RGL1: variants seen among roughly 807,000 people sequenced by gnomAD.
RGL1 encodes the protein ral guanine nucleotide dissociation stimulator like 1.
A neutral mutation model predicts 95.2 loss-of-function variants in RGL1; 24 were observed. That is an observed-to-expected ratio of 0.25 (90% CI 0.18 to 0.35). RGL1 has a LOEUF of 0.35. Among genes scored for constraint, RGL1 ranks in the 10% least tolerant of loss-of-function variants. The pLI is 1.00. For synonymous variants in RGL1, 329 were observed against 344.9 expected, an observed-to-expected ratio of 0.95 and a Z score of 0.51; for missense variants, 715 against 936.3, an observed-to-expected ratio of 0.76 and a Z score of 3.08.
chr1:183,864,350 T>C (rs1665697470), intron 3 of RGL1, among the ~76,000 whole-genome samples: 1 of 152,208 alleles, frequency 6.6e-6, no homozygotes, highest in Admixed American at 6.5e-5. Flanking sequence ...CATTTAGTAA[T>C]TGAGAGATGG....
At chr1:183,661,521 C>T (rs1161428000) in intron 1 of RGL1, among the ~76,000 whole-genome samples, 2 of 152,226 alleles carry the variant, frequency 1.3e-5, no homozygotes, top group East Asian at 3.9e-4. Context: ...GAAGTTGACT[C>T]TCTGAATAGA....
intron 16 of RGL1, among the ~76,000 whole-genome samples, chr1:183,921,806 G>A (rs778247879): frequency 6.6e-6 from 1 of 152,162 alleles, no homozygotes; most frequent in East Asian, 1.9e-4. Flanking sequence ...GCAGAACTGC[G>A]ACCATTTTTA....
At chr1:183,813,772 G>A (rs1176045600) in intron 2 of RGL1, among the ~76,000 whole-genome samples, 1 of 152,130 alleles carries the variant, frequency 6.6e-6, no homozygotes, top group South Asian at 2.1e-4. Flanking sequence ...TGACATTGCT[G>A]TTCTTAAAGG....
intron 3 of RGL1, among the ~76,000 whole-genome samples, chr1:183,849,908 G>A (rs551817368): frequency 6.6e-6 from 1 of 152,294 alleles, no homozygotes; most frequent in Non-Finnish European, 1.5e-5. Context: ...ATGGGTCAAA[G>A]TATATCAGCA....
intron 2 of RGL1, among the ~76,000 whole-genome samples, chr1:183,750,624 TGGA>T (rs144959069): frequency 0.43 from 65,844 of 151,842 alleles, 15,413 homozygotes; most frequent in East Asian, 0.76. Flanking sequence ...TGTGATCTTT[TGGA>T]GGAGAAGAGG....
intron 2 of RGL1, among the ~76,000 whole-genome samples, chr1:183,824,914 G>T (rs1662747606): frequency 6.6e-6 from 1 of 152,078 alleles, no homozygotes; most frequent in African/African-American, 2.4e-5. Context: ...CTCCGCCAAG[G>T]TTTCTATATA....
intron 1 of RGL1, among the ~76,000 whole-genome samples, chr1:183,650,976 G>A (rs190280740): frequency 7.9e-5 from 12 of 151,974 alleles, no homozygotes; most frequent in South Asian, 4.1e-4. Context: ...TATTTTTTGC[G>A]TGAAGTTTTC....
intron 3 of RGL1, among the ~76,000 whole-genome samples, chr1:183,850,356 G>A (rs191724178): frequency 2.7e-5 from 4 of 150,524 alleles, no homozygotes; most frequent in East Asian, 1.9e-4. Context: ...TTTTTATAAC[G>A]ACATTAACAT....
intron 2 of RGL1, among the ~76,000 whole-genome samples, chr1:183,812,874 G>T (rs569458786): frequency 6.6e-6 from 1 of 152,364 alleles, no homozygotes; most frequent in African/African-American, 2.4e-5. Flanking sequence ...AGGGAACCCG[G>T]TGGGAAAGGG....
intron 1 of RGL1, among the ~76,000 whole-genome samples, chr1:183,639,282 C>CA (rs1306405130): frequency 0.13 from 9,297 of 70,284 alleles, 526 homozygotes; most frequent in African/African-American, 0.26. Context: ...CACTTCATCT[C>CA]AAAAAAAAAA....
At chr1:183,711,288 C>T (rs887037908) in intron 1 of RGL1, among the ~76,000 whole-genome samples, 1 of 152,316 alleles carries the variant, frequency 6.6e-6, no homozygotes, top group South Asian at 2.1e-4. Context: ...GCTCTGTGTT[C>T]ATAGGCACCC....
chr1:183,909,462 A>G (rs1268976899), intron 14 of RGL1, among the ~76,000 whole-genome samples: 2 of 152,318 alleles, frequency 1.3e-5, no homozygotes, highest in South Asian at 4.1e-4. Flanking sequence ...CCACTAGTTG[A>G]CATCCTTTCA....
chr1:183,894,913 T>C lies in RGL1; in HGVS notation c.1140+2752T>C, dbSNP rs1667604677. ...GTTTCATTTCCTCTCAAAGACTATC[T>C]TAAACCTGCTATGTCCTTGTGATTT... On this transcript the variant is annotated intron_variant, in intron 9 of 17. Transcript: ENST00000360851. Among the ~76,000 whole-genome samples, 3 of 152,222 alleles carry C rather than the reference T, an allele frequency of 2.0e-5. No individual in the cohort carries two copies. In the South Asian group the frequency reaches 6.2e-4, roughly 31 times the overall value.
chr1:183,894,808 G>A (rs749113122), intron 9 of RGL1, among the ~76,000 whole-genome samples: 36 of 152,154 alleles, frequency 2.4e-4, no homozygotes, highest in Non-Finnish European at 4.0e-4. Flanking sequence ...AAGATGTAAC[G>A]TGCCACTTAT....
intron 1 of RGL1, among the ~76,000 whole-genome samples, chr1:183,718,753 T>TAAA (rs529593542): frequency 6.9e-6 from 1 of 145,470 alleles, no homozygotes; most frequent in Admixed American, 6.9e-5. Flanking sequence ...CCGTCTCTAC[T>TAAA]AAAAAAAAAA....
intron 2 of RGL1, among the ~76,000 whole-genome samples, chr1:183,836,706 T>C (rs536124220): frequency 1.6e-3 from 238 of 152,288 alleles, no homozygotes; most frequent in African/African-American, 5.6e-3. Flanking sequence ...AGCAAGCCCA[T>C]GATCTAGGAA....
chr1:183,839,549 A>C (rs1379670237), intron 2 of RGL1, among the ~76,000 whole-genome samples: 1 of 152,214 alleles, frequency 6.6e-6, no homozygotes, highest in African/African-American at 2.4e-5. Context: ...AAGCCCTTGC[A>C]GTTGCTTATC....
intron 4 of RGL1, among the ~76,000 whole-genome samples, chr1:183,872,137 A>G (rs12074898): frequency 1.3e-5 from 2 of 152,210 alleles, no homozygotes; most frequent in East Asian, 1.9e-4. Flanking sequence ...ATAAAATGCT[A>G]TCTTTTTAAA....
chr1:183,826,115 G>T (rs1444252234), intron 2 of RGL1, among the ~76,000 whole-genome samples: 1 of 149,952 alleles, frequency 6.7e-6, no homozygotes, highest in African/African-American at 2.5e-5. Context: ...GTGCAGTGGT[G>T]CGATCTTGGC....
Sources: gnomAD v4.1 joint callset for allele counts (sites outside exome capture counted in the v4.1 genomes callset) on GRCh38, gnomAD v4.1.1 for gene constraint, MANE v1.5 for transcripts, NCBI Gene and HGNC (gene_info 2026-07-23, HGNC 2026-07-21) for gene names.